The following NPAS3 variants were observed in gnomAD, a reference collection of about 807,000 sequenced individuals.
NPAS3 encodes neuronal PAS domain-containing protein 3.
Under a neutral mutation model 73.1 loss-of-function variants are expected in NPAS3, and 14 were observed. The observed-to-expected ratio is 0.19, with a 90% CI of 0.13 to 0.30. The LOEUF (loss-of-function observed/expected upper bound fraction) is 0.30, where lower values mean the gene tolerates loss of function less well. Among genes scored for constraint, NPAS3 ranks in the 10% least tolerant of loss-of-function variants. NPAS3 has a pLI of 1.00. For synonymous variants in NPAS3, 620 were observed against 541.5 expected (o/e 1.14, Z -2.01); for missense variants, 1,096 against 1,250.0 (o/e 0.88, Z 1.86).
chr14:33,389,867 C>A (rs974776892), intron 4 of NPAS3, among the ~76,000 whole-genome samples: 1 of 152,024 alleles, frequency 6.6e-6, no homozygotes, highest in South Asian at 2.1e-4. Flanking sequence ...TGGTAAAATT[C>A]CATTATGTTT....
chr14:33,797,283 A>C (rs1425262472), intron 10 of NPAS3, among the ~76,000 whole-genome samples, 174 bp from the exon 11 acceptor site: 1 of 152,266 alleles, frequency 6.6e-6, no homozygotes. Flanking sequence ...GCCTTGGCAC[A>C]TGCAAGCCAA....
At chr14:33,753,258 AT>A (rs1285954459) in intron 7 of NPAS3, among the ~76,000 whole-genome samples, 1 of 151,490 alleles carries the variant, frequency 6.6e-6, no homozygotes, top group Admixed American at 6.6e-5. Context: ...TATCAATAAT[AT>A]TGTTTTTCTG....
At chr14:33,473,182 A>G (rs1195771602) in intron 4 of NPAS3, among the ~76,000 whole-genome samples, 1 of 152,210 alleles carries the variant, frequency 6.6e-6, no homozygotes, top group Non-Finnish European at 1.5e-5. Context: ...GGAAATTGGC[A>G]GAGACGCTAG....
intron 2 of NPAS3, among the ~76,000 whole-genome samples, chr14:33,112,546 A>T (rs188838735): frequency 3.7e-4 from 56 of 152,102 alleles, no homozygotes; most frequent in African/African-American, 1.0e-3. Flanking sequence ...GTTTGAGTTC[A>T]TTGTAGATTC....
upstream of NPAS3, chr14:32,939,270 G>T (rs576452392): frequency 3.7e-4 from 252 of 687,680 alleles, 12 homozygotes; most frequent in South Asian, 3.5e-3. Flanking sequence ...CCACCCGGGA[G>T]GGGGGAGAGA....
intron 3 of NPAS3, among the ~76,000 whole-genome samples, chr14:33,251,489 G>A (rs949268579): frequency 6.6e-6 from 1 of 152,066 alleles, no homozygotes; most frequent in Admixed American, 6.6e-5. Flanking sequence ...TGTGGCTGGA[G>A]CCCAGTGAAT....
intron 6 of NPAS3, among the ~76,000 whole-genome samples, chr14:33,701,171 T>C (rs2060513865): frequency 6.6e-6 from 1 of 152,216 alleles, no homozygotes; most frequent in Admixed American, 6.5e-5. Context: ...CTGCACAGCC[T>C]ACCAAGTATT....
intron 4 of NPAS3, among the ~76,000 whole-genome samples, chr14:33,438,987 G>A (rs1373923797): frequency 1.3e-5 from 2 of 151,884 alleles, no homozygotes; most frequent in East Asian, 1.9e-4. Context: ...TGCTAAGGTC[G>A]GACATGTGAA....
chr14:33,704,322 T>C (rs1441072859), intron 6 of NPAS3, among the ~76,000 whole-genome samples: 1 of 152,230 alleles, frequency 6.6e-6, no homozygotes, highest in African/African-American at 2.4e-5. Context: ...AACAACAGAA[T>C]TGTAGCTAAA....
intron 3 of NPAS3, among the ~76,000 whole-genome samples, chr14:33,309,913 G>A (rs1594658834): frequency 6.6e-6 from 1 of 152,152 alleles, no homozygotes; most frequent in Non-Finnish European, 1.5e-5. Flanking sequence ...CCTGCAGAGG[G>A]AGGAGGGTCC....
chr14:33,459,253 G>A (rs968360088), intron 4 of NPAS3, among the ~76,000 whole-genome samples: 2 of 152,226 alleles, frequency 1.3e-5, no homozygotes, highest in East Asian at 1.9e-4. Context: ...GACTTTGAAC[G>A]CATGACCATC....
intron 5 of NPAS3, among the ~76,000 whole-genome samples, chr14:33,603,691 T>G (rs900444431): frequency 1.3e-5 from 2 of 152,202 alleles, no homozygotes; most frequent in African/African-American, 4.8e-5. Context: ...CCTAGAATTC[T>G]ATGCCAAATG....
chr14:33,007,298 C>T (rs1356798677), intron 1 of NPAS3, among the ~76,000 whole-genome samples: 3 of 152,118 alleles, frequency 2.0e-5, no homozygotes, highest in Non-Finnish European at 2.9e-5. Context: ...TTAACTCACT[C>T]GTTGCCTAAT....
At chr14:33,279,646 C>A (rs1418704474) in intron 3 of NPAS3, among the ~76,000 whole-genome samples, 1 of 152,114 alleles carries the variant, frequency 6.6e-6, no homozygotes, top group African/African-American at 2.4e-5. Context: ...CACCTTTTCA[C>A]CCTGGAATTT....
chr14:33,556,523 G>A (rs896203020), intron 4 of NPAS3, among the ~76,000 whole-genome samples: 2 of 152,206 alleles, frequency 1.3e-5, no homozygotes, highest in African/African-American at 4.8e-5. Flanking sequence ...CATAAATCTT[G>A]ATTGAGTGGT....
intron 2 of NPAS3, among the ~76,000 whole-genome samples, chr14:33,091,840 C>T (rs1007472879): frequency 3.3e-5 from 5 of 152,034 alleles, no homozygotes; most frequent in African/African-American, 9.7e-5. Flanking sequence ...TAAATGTAAT[C>T]CAGCATATAA....
At chr14:33,550,203 G>A (rs1202395808) in intron 4 of NPAS3, among the ~76,000 whole-genome samples, 1 of 152,044 alleles carries the variant, frequency 6.6e-6, no homozygotes, top group Non-Finnish European at 1.5e-5. Flanking sequence ...TGTTTTGTTT[G>A]AGACGAGGTC....
intron 3 of NPAS3, among the ~76,000 whole-genome samples, chr14:33,253,679 A>T (rs1001207607): frequency 4.0e-4 from 61 of 151,932 alleles, no homozygotes; most frequent in Admixed American, 2.5e-3. Context: ...TATGTCCCCC[A>T]TATGTCCTTA....
At chr14:33,384,506 GATCACCTGA>G (rs2046694403) in intron 4 of NPAS3, among the ~76,000 whole-genome samples, 2 of 151,936 alleles carry the variant, frequency 1.3e-5, no homozygotes, top group Non-Finnish European at 2.9e-5. Flanking sequence ...GAGGTGGGTG[GATCACCTGA>G]AGTCAGGAGT....
Sources: allele counts gnomAD v4.1 joint callset (sites outside exome capture counted in the v4.1 genomes callset), GRCh38; gene constraint gnomAD v4.1.1; transcripts MANE v1.5; gene names NCBI Gene and HGNC (gene_info 2026-07-23, HGNC 2026-07-21).